Variants in LYPD6B observed in about 807,000 individuals in gnomAD.
LYPD6B encodes LY6/PLAUR domain containing 6B.
In LYPD6B, 17 loss-of-function variants were observed where a neutral mutation model predicts 22.8. The observed-to-expected ratio is 0.75, with a 90% CI of 0.51 to 1.12. LYPD6B has a LOEUF of 1.12. Ranked by LOEUF, LYPD6B falls within the 50% of genes most tolerant of loss-of-function variation. The probability of loss-of-function intolerance (pLI) is 0.00; values close to 1 mark genes in which losing one functional copy is unlikely to be tolerated. For missense variants in LYPD6B, 221 were observed against 258.3 expected (o/e 0.86, Z 0.99); for synonymous variants, 106 against 91.6 (o/e 1.16, Z -0.90).
chr2:149,188,982 T>A (rs1305673521), intron 3 of LYPD6B, among the ~76,000 whole-genome samples: 2 of 152,156 alleles, frequency 1.3e-5, no homozygotes, highest in Admixed American at 6.5e-5. Context: ...ACTGAAATGC[T>A]GAGAAATAGC....
chr2:149,207,078 T>C (rs971086380), intron 4 of LYPD6B, among the ~76,000 whole-genome samples: 1 of 152,206 alleles, frequency 6.6e-6, no homozygotes, highest in Non-Finnish European at 1.5e-5. Context: ...TGCCAATTTA[T>C]ACTTTAACCA....
At chr2:149,145,156 C>T (rs1159877412) in intron 2 of LYPD6B, among the ~76,000 whole-genome samples, 3 of 152,134 alleles carry the variant, frequency 2.0e-5, no homozygotes. Context: ...ATCAGTACCA[C>T]TGATGGTGGG....
At chr2:149,185,233 G>A (rs886433309) in intron 3 of LYPD6B, among the ~76,000 whole-genome samples, 3 of 152,140 alleles carry the variant, frequency 2.0e-5, no homozygotes, top group Non-Finnish European at 1.5e-5. Flanking sequence ...AGAAATTGAA[G>A]AATAATAAGG....
At chr2:149,048,530 G>A (rs1374202393) in intron 1 of LYPD6B, among the ~76,000 whole-genome samples, 2 of 152,108 alleles carry the variant, frequency 1.3e-5, no homozygotes, top group Admixed American at 6.5e-5. Context: ...TTTGTGACCC[G>A]ATGCTTGTTA....
At chr2:149,100,416 CAAAAAAAA>C (rs58068035) in intron 1 of LYPD6B, among the ~76,000 whole-genome samples, 2 of 67,972 alleles carry the variant, frequency 2.9e-5, no homozygotes, top group South Asian at 8.6e-4. Context: ...TTGGCTTTGA[CAAAAAAAA>C]AAAAAAAAAA....
rs192128872 is a variant in LYPD6B at position 149,200,905 on chromosome 2, C to T, written c.78-4348C>T. Reference sequence around the variant, plus strand: ...CTGGAGCAAGTATTAATGTATCTTCCGAAGGGAGGACTCATAAAACACAGG... The same window carrying T: ...CTGGAGCAAGTATTAATGTATCTTCTGAAGGGAGGACTCATAAAACACAGG... On this transcript the variant is annotated intron_variant, in intron 3 of 6. Coordinates refer to ENST00000409642, the MANE Select transcript of LYPD6B (RefSeq NM_177964.5). 1.1e-4 allele frequency among the ~76,000 whole-genome samples: 17 copies of T among 152,194 alleles called. No homozygotes were observed. In the East Asian group the frequency reaches 2.9e-3, roughly 26 times the overall value.
At chr2:149,068,004 T>G (rs1684421883) in intron 1 of LYPD6B, among the ~76,000 whole-genome samples, 1 of 152,114 alleles carries the variant, frequency 6.6e-6, no homozygotes, top group Non-Finnish European at 1.5e-5. Context: ...TTTTCTAAGG[T>G]GAGTGGGGAA....
At chr2:149,168,211 C>CAAAAAAAAA (rs386391472) in intron 3 of LYPD6B, among the ~76,000 whole-genome samples, 2 of 48,486 alleles carry the variant, frequency 4.1e-5, no homozygotes, top group Admixed American at 2.4e-4. Context: ...GGCTCTGTCT[C>CAAAAAAAAA]AAAAAAAAAA....
In LYPD6B at chr2:149,213,009, A is replaced by G; in HGVS notation, c.346A>G (p.Thr116Ala). 1 of 1,613,880 alleles carries G rather than the reference A, an allele frequency of 6.2e-7. No individual in the cohort carries two copies. Among genetic ancestry groups the G allele is most frequent in the Non-Finnish European group, 8.5e-7 (1 of 1,179,830 alleles). The change falls in exon 6 of 7, where the codon ACA becomes GCA. Residue 116 changes from threonine (T) to alanine (A), a missense_variant. Transcript: ENST00000409642. ...WCPQNTQYCL[T>A]VHHFTSHGRS... ...TTGCCTAGATACACAGTACTGTTTG[A>G]CAGTTCATCACTTCACCAGCCACGG...
At chr2:149,191,121 A>G (rs1692461236) in intron 3 of LYPD6B, among the ~76,000 whole-genome samples, 1 of 152,138 alleles carries the variant, frequency 6.6e-6, no homozygotes, top group Admixed American at 6.5e-5. Context: ...TATTTTGCCA[A>G]TCTTATTTTA....
At chr2:149,142,542 A>G (rs1421589920) in intron 2 of LYPD6B, among the ~76,000 whole-genome samples, 1 of 152,216 alleles carries the variant, frequency 6.6e-6, no homozygotes, top group Non-Finnish European at 1.5e-5. Context: ...TTAGGGGAAC[A>G]GGACAGGAGA....
chr2:149,070,504 GTAT>G lies in LYPD6B; in HGVS notation c.-67+31705_-67+31707del, dbSNP rs1684551874. Among the ~76,000 whole-genome samples, 30 of 152,010 alleles carry G rather than the reference GTAT, an allele frequency of 2.0e-4. 1 individual carries two copies. The highest frequency in any genetic ancestry group is 2.0e-3 in the Admixed American group (30 of 15,262). On this transcript the variant is annotated intron_variant, in intron 1 of 6. Coordinates refer to ENST00000409642, the MANE Select transcript of LYPD6B (RefSeq NM_177964.5). ...TAACCTTCCTAAGACTATGGTAATT[GTAT>G]TTTCGATGGTATTCCCAGTGCCTGG... is the stretch of plus-strand genomic sequence containing the variant.
At chr2:149,132,340 G>C (rs1688081610) in intron 2 of LYPD6B, among the ~76,000 whole-genome samples, 1 of 150,950 alleles carries the variant, frequency 6.6e-6, no homozygotes, top group African/African-American at 2.4e-5. Flanking sequence ...CACCTTTCAT[G>C]TACCATGATT....
At chr2:149,041,600 G>C (rs1458594825) in intron 1 of LYPD6B, among the ~76,000 whole-genome samples, 2 of 152,176 alleles carry the variant, frequency 1.3e-5, no homozygotes, top group African/African-American at 4.8e-5. Flanking sequence ...GGAGGAAAGT[G>C]AGACTGCCTG....
At chr2:149,157,299 A>G (rs1689768029) in intron 2 of LYPD6B, among the ~76,000 whole-genome samples, 1 of 138,994 alleles carries the variant, frequency 7.2e-6, no homozygotes, top group Non-Finnish European at 1.6e-5. Flanking sequence ...TTAAAAAAAA[A>G]CCTATTGCTC....
chr2:149,093,104 G>A (rs1685736265), intron 1 of LYPD6B, among the ~76,000 whole-genome samples: 1 of 152,194 alleles, frequency 6.6e-6, no homozygotes, highest in Non-Finnish European at 1.5e-5. Flanking sequence ...GAACAAGGCT[G>A]TCAGAAGGTA....
At chr2:149,054,967 G>T (rs1683724302) in intron 1 of LYPD6B, among the ~76,000 whole-genome samples, 2 of 151,654 alleles carry the variant, frequency 1.3e-5, no homozygotes, top group South Asian at 4.2e-4. Context: ...TCACATGTAA[G>T]AAACCATTGC....
rs386391473 is a variant in LYPD6B, at chr2:149,212,380, C to CAAAAAAAAA, written c.329-596_329-588dup. Among the ~76,000 whole-genome samples, 282 of 60,098 alleles carry CAAAAAAAAA rather than the reference C, an allele frequency of 4.7e-3. 18 individuals carry two copies. Among genetic ancestry groups the CAAAAAAAAA allele is most frequent in the African/African-American group, 0.01 (137 of 13,306 alleles). 39.4% of individuals were successfully genotyped at this position (60,098 alleles called of 152,430 possible). On this transcript the variant is annotated intron_variant, in intron 5 of 6. Transcript: ENST00000409642. ...CTGGGGACAGAGTAAGACTCCGTCT[C>CAAAAAAAAA]AAAAAAAAAAAAAAAAAAAAAAAAG... is the stretch of plus-strand genomic sequence containing the variant.
intron 1 of LYPD6B, among the ~76,000 whole-genome samples, chr2:149,079,005 CT>C (rs201949554): frequency 0.026 from 3,377 of 129,354 alleles, 101 homozygotes; most frequent in African/African-American, 0.078. Context: ...GAGATCCTGT[CT>C]TTTTTTTTTT....
Sources: gnomAD v4.1 joint callset for allele counts (sites outside exome capture counted in the v4.1 genomes callset) on GRCh38, gnomAD v4.1.1 for gene constraint, MANE v1.5 for transcripts, NCBI Gene and HGNC (gene_info 2026-07-23, HGNC 2026-07-21) for gene names.